The following DAB1 variants were observed in gnomAD, a reference collection of about 807,000 sequenced individuals.
The protein encoded by DAB1 is disabled homolog 1.
A neutral mutation model predicts 64.6 loss-of-function variants in DAB1; 15 were observed. The observed-to-expected ratio is 0.23, with a 90% confidence interval of 0.16 to 0.36. DAB1 has a LOEUF of 0.36. Among genes scored for constraint, DAB1 ranks in the 10% least tolerant of loss-of-function variants. DAB1 has a pLI of 1.00. For synonymous variants in DAB1, 235 were observed against 251.9 expected, an observed-to-expected ratio of 0.93 and a Z score of 0.64; for missense variants, 596 against 706.7, an observed-to-expected ratio of 0.84 and a Z score of 1.78.
At chr1:58,110,155 G>A (rs900344037) in intron 5 of DAB1, among the ~76,000 whole-genome samples, 1 of 152,190 alleles carries the variant, frequency 6.6e-6, no homozygotes, top group African/African-American at 2.4e-5. Flanking sequence ...GGAGAATTGT[G>A]GCTTTATTTG....
chr1:57,556,076 A>G (rs1644984702), intron 7 of DAB1, among the ~76,000 whole-genome samples: 2 of 152,156 alleles, frequency 1.3e-5, no homozygotes, highest in Admixed American at 6.5e-5. Context: ...ATATAATAAG[A>G]TATGCTTTAA....
intron 5 of DAB1, among the ~76,000 whole-genome samples, chr1:58,050,248 A>G (rs913146086): frequency 1.3e-5 from 2 of 152,212 alleles, no homozygotes; most frequent in Non-Finnish European, 2.9e-5. Context: ...TCGTGAGCCT[A>G]TAAGAGTTTG....
At chr1:57,057,221 A>G (rs1046841719) in intron 9 of DAB1, among the ~76,000 whole-genome samples, 2 of 152,230 alleles carry the variant, frequency 1.3e-5, no homozygotes, top group African/African-American at 4.8e-5. Flanking sequence ...TAATGGGGTC[A>G]CAGAAGAAAG....
intron 5 of DAB1, among the ~76,000 whole-genome samples, chr1:57,937,532 G>A (rs942654031): frequency 2.0e-5 from 3 of 152,122 alleles, no homozygotes; most frequent in African/African-American, 7.2e-5. Context: ...ATACCAATAA[G>A]AGGCAGGGAA....
intron 7 of DAB1, among the ~76,000 whole-genome samples, chr1:57,479,599 T>A (rs1643985496): frequency 6.6e-6 from 1 of 152,130 alleles, no homozygotes; most frequent in Non-Finnish European, 1.5e-5. Context: ...TGGGGACAGC[T>A]TGTCTCTCTA....
At chr1:57,223,010 T>C (rs1210064662) in intron 2 of DAB1, among the ~76,000 whole-genome samples, 2 of 152,158 alleles carry the variant, frequency 1.3e-5, no homozygotes, top group African/African-American at 4.8e-5. Context: ...GCTTCCCCAT[T>C]GAGCCCTGCA....
At chr1:57,198,240 C>CTG (rs1309268163) in intron 2 of DAB1, among the ~76,000 whole-genome samples, 3 of 151,514 alleles carry the variant, frequency 2.0e-5, no homozygotes, top group African/African-American at 7.3e-5. Flanking sequence ...TGTCTATGAA[C>CTG]TGTACATTTA....
At chr1:57,409,731 C>A (rs1223110743) in intron 1 of DAB1, among the ~76,000 whole-genome samples, 1 of 152,164 alleles carries the variant, frequency 6.6e-6, no homozygotes, top group African/African-American at 2.4e-5. Context: ...ATCACTTGAA[C>A]CCAGGAGGTA....
intron 2 of DAB1, among the ~76,000 whole-genome samples, chr1:57,232,280 G>A (rs1667733444): frequency 1.4e-5 from 1 of 73,196 alleles, no homozygotes; most frequent in African/African-American, 5.1e-5. Flanking sequence ...AAAGGCAGTG[G>A]CCACTTTTTT....
chr1:58,147,042 C>T (rs1776183), intron 5 of DAB1, among the ~76,000 whole-genome samples: 29,404 of 152,136 alleles, frequency 0.19, 3,351 homozygotes, highest in East Asian at 0.42. Context: ...TGCAGTGGCT[C>T]ACGCCTGTAA....
At chr1:57,423,484 G>A (rs1685090442) in intron 1 of DAB1, among the ~76,000 whole-genome samples, 1 of 151,994 alleles carries the variant, frequency 6.6e-6, no homozygotes, top group African/African-American at 2.4e-5. Flanking sequence ...ATGAGGAAAA[G>A]GGTCTGGCCA....
intron 5 of DAB1, among the ~76,000 whole-genome samples, chr1:58,005,731 C>T (rs1646573115): frequency 6.6e-6 from 1 of 151,916 alleles, no homozygotes; most frequent in Admixed American, 6.6e-5. Context: ...GCACTCCAGT[C>T]AAATTGGTTA....
chr1:57,357,411 C>G (rs1180431474), intron 1 of DAB1, among the ~76,000 whole-genome samples: 1 of 151,878 alleles, frequency 6.6e-6, no homozygotes, highest in Non-Finnish European at 1.5e-5. Context: ...AAAATAATAT[C>G]TGGTCTGGTG....
chr1:58,345,364 AG>A (rs2100509430), intron 3 of DAB1, among the ~76,000 whole-genome samples: 1 of 152,340 alleles, frequency 6.6e-6, no homozygotes, highest in African/African-American at 2.4e-5. Context: ...GAGCCACACA[AG>A]GAAGTTTCAC....
At chr1:57,642,526 C>T (rs950806187) in intron 7 of DAB1, among the ~76,000 whole-genome samples, 1 of 152,180 alleles carries the variant, frequency 6.6e-6, no homozygotes, top group African/African-American at 2.4e-5. Flanking sequence ...TATTATATAT[C>T]CCCTCCCTCC....
At chr1:58,489,390 G>C (rs564401250) in intron 3 of DAB1, among the ~76,000 whole-genome samples, 2 of 152,226 alleles carry the variant, frequency 1.3e-5, no homozygotes, top group East Asian at 3.9e-4. Context: ...CAGCGAGGCT[G>C]GGGGAGGGGT....
upstream of DAB1, among the ~76,000 whole-genome samples, chr1:57,884,934 G>A (rs1485090149): frequency 6.6e-6 from 1 of 152,170 alleles, no homozygotes; most frequent in Non-Finnish European, 1.5e-5. Flanking sequence ...TGCACATGCT[G>A]GCTCCCTCTC....
intron 4 of DAB1, among the ~76,000 whole-genome samples, chr1:58,238,214 T>A (rs1169919758): frequency 6.6e-6 from 1 of 152,124 alleles, no homozygotes; most frequent in Non-Finnish European, 1.5e-5. Context: ...ATGTGCTAAG[T>A]TAAAAACAGA....
At chr1:57,215,793 C>A (rs567655519) in intron 2 of DAB1, among the ~76,000 whole-genome samples, 1 of 152,172 alleles carries the variant, frequency 6.6e-6, no homozygotes, top group Non-Finnish European at 1.5e-5. Context: ...GACATGAATT[C>A]AGACTGGTGC....
Sources: gnomAD v4.1 joint callset for allele counts (sites outside exome capture counted in the v4.1 genomes callset) on GRCh38, gnomAD v4.1.1 for gene constraint, MANE v1.5 for transcripts, NCBI Gene and HGNC (gene_info 2026-07-23, HGNC 2026-07-21) for gene names.